The following CMIP variants were observed in gnomAD, a reference collection of about 807,000 sequenced individuals.
CMIP encodes the protein C-Maf-inducing protein.
CMIP carries 13 observed loss-of-function variants against 97.3 expected under a neutral mutation model. That is an observed-to-expected ratio of 0.13 (90% confidence interval 0.09 to 0.21). The LOEUF (loss-of-function observed/expected upper bound fraction) is 0.21. CMIP is among the 10% of genes least tolerant of loss of function. The pLI is 1.00. For synonymous variants in CMIP, 538 were observed against 436.3 expected (o/e 1.23, Z -2.91); for missense variants, 847 against 1,024.9 (o/e 0.83, Z 2.37).
intron 3 of CMIP, among the ~76,000 whole-genome samples, chr16:81,642,131 A>G (rs1307262935): frequency 6.6e-6 from 1 of 152,246 alleles, no homozygotes; most frequent in African/African-American, 2.4e-5. Context: ...GTCACTCGTC[A>G]TTCATCAGAA....
At chr16:81,495,156 C>T (rs2089466345) in intron 1 of CMIP, among the ~76,000 whole-genome samples, 1 of 152,230 alleles carries the variant, frequency 6.6e-6, no homozygotes, top group African/African-American at 2.4e-5. Context: ...GAATTAATGA[C>T]TGTGGAGTAC....
Position 81,710,412 on chromosome 16 carries a change from C to G in CMIP, c.*613C>G, listed in dbSNP as rs900104399. On this transcript the variant is annotated 3_prime_UTR_variant, in exon 21 of 21. Transcript: ENST00000537098. ...TATTTATGAAGTCTTTGACCGTCCC[C>G]CCCGCCCGACCCCACCGCCCTCCCG... is the stretch of plus-strand genomic sequence containing the variant. The G allele has an allele frequency of 6.6e-6, 1 of 152,442 alleles. No homozygotes were observed. The highest frequency in any genetic ancestry group is 1.4e-5 in the Non-Finnish European group (1 of 68,968). The allele number at this position is 152,442 out of a possible 1,614,324, so 9.4% of individuals were successfully genotyped here. A position where few individuals can be genotyped will look rare whatever the true frequency, so the allele number is the denominator to read the frequency against.
intron 3 of CMIP, among the ~76,000 whole-genome samples, chr16:81,628,207 C>A (rs531458288): frequency 1.1e-4 from 16 of 152,282 alleles, no homozygotes; most frequent in African/African-American, 3.6e-4. Context: ...CCCACCTCCC[C>A]TGGGTCGCCT....
At chr16:81,517,966 T>C (rs1199600097) in intron 1 of CMIP, 2 of 968,292 alleles carry the variant, frequency 2.1e-6, no homozygotes, top group South Asian at 4.8e-5. Flanking sequence ...CCAGTGGATG[T>C]GTGGAATTTT....
At chr16:81,619,359 C>T (rs958931123) in intron 2 of CMIP, 3 of 152,292 alleles carry the variant, frequency 2.0e-5, no homozygotes, top group African/African-American at 7.2e-5. Flanking sequence ...CAGACCCTGA[C>T]CTCGGAGAGC....
At chr16:81,568,273 G>A (rs1047554713) in intron 1 of CMIP, among the ~76,000 whole-genome samples, 10 of 152,146 alleles carry the variant, frequency 6.6e-5, no homozygotes, top group African/African-American at 2.2e-4. Flanking sequence ...ACCTCAGTGC[G>A]GTCAGTAAAG....
chr16:81,654,086 A>G (rs2092457709), intron 4 of CMIP, among the ~76,000 whole-genome samples: 1 of 152,198 alleles, frequency 6.6e-6, no homozygotes, highest in Non-Finnish European at 1.5e-5. Context: ...ACCAGGCTCA[A>G]CCACCACCAC....
intron 1 of CMIP, among the ~76,000 whole-genome samples, chr16:81,506,199 A>T (rs1307470756): frequency 6.6e-6 from 1 of 152,180 alleles, no homozygotes; most frequent in Non-Finnish European, 1.5e-5. Flanking sequence ...CAGCTCACGT[A>T]GTTAGAAACT....
chr16:81,483,058 T>A (rs888093957), intron 1 of CMIP, among the ~76,000 whole-genome samples: 3 of 152,242 alleles, frequency 2.0e-5, no homozygotes, highest in African/African-American at 7.2e-5. Flanking sequence ...TATAGAATCT[T>A]GTCTGCTGCC....
chr16:81,691,353 T>TAATC (rs1906048302), intron 10 of CMIP, among the ~76,000 whole-genome samples: 1 of 151,678 alleles, frequency 6.6e-6, no homozygotes, highest in Non-Finnish European at 1.5e-5. Context: ...CATTGTAACC[T>TAATC]AATCACCTCT....
rs536282895 is a variant in CMIP at position 81,487,304 on chromosome 16, G to T, written c.300+41763G>T. ...TCTGCTAAGCAAGGCTGTCCCGGGC[G>T]GTCACGGCGAGCTGGCACCTGGATT... On this transcript the variant is annotated intron_variant, in intron 1 of 20. Coordinates refer to ENST00000537098, the MANE Select transcript of CMIP (RefSeq NM_198390.3). Among the ~76,000 whole-genome samples the T allele has an allele frequency of 2.6e-5, 4 of 152,290 alleles. No homozygotes were observed. The South Asian group carries it at 6.2e-4, about 24-fold the overall frequency.
intron 10 of CMIP, among the ~76,000 whole-genome samples, chr16:81,687,555 T>C (rs1045911921): frequency 3.9e-5 from 6 of 152,274 alleles, no homozygotes; most frequent in African/African-American, 1.4e-4. Flanking sequence ...TCATGGTCTT[T>C]GAAGCACCTG....
chr16:81,691,538 C>G (rs1014190055), intron 10 of CMIP: 3 of 578,498 alleles, frequency 5.2e-6, no homozygotes, highest in Non-Finnish European at 6.2e-6. Flanking sequence ...GGGGAATAGA[C>G]AGCTCACCCC....
At chr16:81,504,340 A>G (rs948859326) in intron 1 of CMIP, among the ~76,000 whole-genome samples, 1 of 151,706 alleles carries the variant, frequency 6.6e-6, no homozygotes, top group Non-Finnish European at 1.5e-5. Context: ...AGGAAAAAAG[A>G]AAATAGAAAA....
At chr16:81,524,822 C>G (rs1413065149) in intron 1 of CMIP, among the ~76,000 whole-genome samples, 1 of 148,718 alleles carries the variant, frequency 6.7e-6, no homozygotes, top group East Asian at 2.0e-4. Context: ...GAGATGGAGT[C>G]TCATTCCTCT....
chr16:81,688,362 G>A (rs776874661), intron 10 of CMIP, among the ~76,000 whole-genome samples: 60 of 152,340 alleles, frequency 3.9e-4, no homozygotes, highest in African/African-American at 1.2e-3. Flanking sequence ...CCAGGCAGGC[G>A]TTGGCTTTTG....
intron 1 of CMIP, among the ~76,000 whole-genome samples, chr16:81,472,165 C>A (rs925234824): frequency 6.6e-6 from 1 of 152,248 alleles, no homozygotes; most frequent in East Asian, 1.9e-4. Context: ...TCTTTGAAAT[C>A]TCACTTATTG....
chr16:81,560,977 T>G (rs867976699), intron 1 of CMIP, among the ~76,000 whole-genome samples: 2 of 152,150 alleles, frequency 1.3e-5, no homozygotes, highest in African/African-American at 4.8e-5. Context: ...TTTTTCTTTT[T>G]GGAGACAGTC....
chr16:81,657,964 A>G, intron 5 of CMIP, 148 bp downstream of exon 5: 2 of 625,574 alleles, frequency 3.2e-6, no homozygotes, highest in Non-Finnish European at 2.8e-6. Flanking sequence ...AGCCGGACGC[A>G]CCTCCCTCTG....
Sources: gnomAD v4.1 joint callset for allele counts (sites outside exome capture counted in the v4.1 genomes callset) on GRCh38, gnomAD v4.1.1 for gene constraint, MANE v1.5 for transcripts, NCBI Gene and HGNC (gene_info 2026-07-23, HGNC 2026-07-21) for gene names.